Variants in PDE4D observed in about 807,000 individuals in gnomAD.
The protein encoded by PDE4D is 3',5'-cyclic-AMP phosphodiesterase 4D.
PDE4D carries 24 observed loss-of-function variants against 87.4 expected under a neutral mutation model. That is an observed-to-expected ratio of 0.27 (90% CI 0.20 to 0.39). The LOEUF is 0.39. PDE4D is among the 10% of genes least tolerant of loss of function. The pLI is 1.00. For missense variants in PDE4D, 714 were observed against 1,041.0 expected (o/e 0.69, Z 4.32); for synonymous variants, 384 against 383.2 (o/e 1.00, Z -0.02).
At chr5:59,207,226 A>G (rs957148854) in intron 2 of PDE4D, among the ~76,000 whole-genome samples, 1 of 152,076 alleles carries the variant, frequency 6.6e-6, no homozygotes, top group Non-Finnish European at 1.5e-5. Context: ...AAATATTTCT[A>G]TTTTACAATA....
intron 2 of PDE4D, among the ~76,000 whole-genome samples, chr5:60,125,136 A>G (rs1668944045): frequency 6.6e-6 from 1 of 152,152 alleles, no homozygotes. Context: ...AACCAACCTG[A>G]ACTCAAGACT....
chr5:59,119,989 C>CA (rs1424465205), intron 5 of PDE4D, among the ~76,000 whole-genome samples: 1 of 152,012 alleles, frequency 6.6e-6, no homozygotes, highest in East Asian at 1.9e-4. Flanking sequence ...GGACTGCAGA[C>CA]ATGCACTACT....
chr5:59,180,049 G>A (rs1421799788), intron 5 of PDE4D, among the ~76,000 whole-genome samples: 2 of 152,046 alleles, frequency 1.3e-5, no homozygotes, highest in Non-Finnish European at 2.9e-5. Flanking sequence ...AGATCCCAAC[G>A]TTTTGATCTC....
intron 1 of PDE4D, among the ~76,000 whole-genome samples, chr5:59,830,928 C>T (rs1053968740): frequency 2.2e-4 from 34 of 151,804 alleles, no homozygotes; most frequent in Admixed American, 2.0e-4. Flanking sequence ...AGAAACTATC[C>T]CTGTAGCACA....
chr5:59,832,058 G>A (rs922071589), intron 1 of PDE4D, among the ~76,000 whole-genome samples: 9 of 152,054 alleles, frequency 5.9e-5, no homozygotes, highest in African/African-American at 2.2e-4. Context: ...AAAGAGTGAT[G>A]GTAGCCTACC....
At chr5:60,469,116 C>T (rs1747620754) in intron 1 of PDE4D, among the ~76,000 whole-genome samples, 1 of 152,124 alleles carries the variant, frequency 6.6e-6, no homozygotes, top group Admixed American at 6.5e-5. Context: ...TTCCTGAGCC[C>T]CATAAATAAG....
chr5:60,052,304 A>G (rs1485427723), intron 2 of PDE4D, among the ~76,000 whole-genome samples: 2 of 152,214 alleles, frequency 1.3e-5, no homozygotes, highest in Admixed American at 1.3e-4. Context: ...ATACTGGCAA[A>G]CAGAATCCAG....
chr5:60,113,348 G>T (rs1021808281), intron 2 of PDE4D, among the ~76,000 whole-genome samples: 1 of 152,120 alleles, frequency 6.6e-6, no homozygotes, highest in Non-Finnish European at 1.5e-5. Flanking sequence ...TGAGAAGGAT[G>T]CAACAAAGAT....
chr5:59,309,520 G>T (rs565569952), intron 1 of PDE4D, among the ~76,000 whole-genome samples: 209 of 152,248 alleles, frequency 1.4e-3, no homozygotes, highest in South Asian at 8.1e-3. Flanking sequence ...CTTGCAAACA[G>T]ACCTTCAGCT....
chr5:60,256,322 C>T (rs970045960), intron 1 of PDE4D, among the ~76,000 whole-genome samples: 5 of 151,884 alleles, frequency 3.3e-5, no homozygotes, highest in African/African-American at 9.7e-5. Flanking sequence ...ATGGCCTCAT[C>T]AGAGGTTTTA....
rs1207231052 is a variant in PDE4D, at chr5:59,876,487, T to C, written c.455+16681A>G. Among the ~76,000 whole-genome samples, 11 of 152,316 alleles carry C rather than the reference T, an allele frequency of 7.2e-5. No homozygotes were observed. The South Asian group carries it at 1.9e-3, about 26-fold the overall frequency. ...TCTTTATTCTTTATCCACCTGCCTT[T>C]TTCTAATTGATTGCTAAGAATGGAC... is the stretch of plus-strand genomic sequence containing the variant. On this transcript the variant is annotated intron_variant, in intron 1 of 14. Transcript: ENST00000340635.
At chr5:59,574,196 T>G (rs1822728609) in intron 1 of PDE4D, among the ~76,000 whole-genome samples, 1 of 130,582 alleles carries the variant, frequency 7.7e-6, no homozygotes. Flanking sequence ...AAAGACATTT[T>G]TCTTCCTTCC....
At chr5:59,719,618 A>C (rs1580662345) in intron 1 of PDE4D, among the ~76,000 whole-genome samples, 1 of 152,172 alleles carries the variant, frequency 6.6e-6, no homozygotes, top group African/African-American at 2.4e-5. Context: ...CCTTAAGCAA[A>C]CCTTCCACAA....
At chr5:59,555,006 T>C (rs1382377706) in intron 1 of PDE4D, among the ~76,000 whole-genome samples, 1 of 152,150 alleles carries the variant, frequency 6.6e-6, no homozygotes, top group Non-Finnish European at 1.5e-5. Flanking sequence ...CCTGGGTATA[T>C]ACCCAAAGGA....
At chr5:59,173,895 C>A (rs1295371235) in intron 5 of PDE4D, among the ~76,000 whole-genome samples, 2 of 152,088 alleles carry the variant, frequency 1.3e-5, no homozygotes, top group Non-Finnish European at 2.9e-5. Context: ...TTATATGGTT[C>A]TTGCTCCCAT....
At chr5:59,758,706 G>C (rs1292976663) in intron 1 of PDE4D, among the ~76,000 whole-genome samples, 2 of 152,050 alleles carry the variant, frequency 1.3e-5, no homozygotes, top group Non-Finnish European at 2.9e-5. Context: ...TCATTCTGAA[G>C]GCCCTGAATC....
chr5:59,461,761 C>A (rs1202080860), intron 1 of PDE4D, among the ~76,000 whole-genome samples: 1 of 152,026 alleles, frequency 6.6e-6, no homozygotes. Flanking sequence ...TCTTTAGACC[C>A]CCAATTTATT....
rs368790789 is a variant in PDE4D, at chr5:60,426,610, A to T, written c.-90+61332T>A. Among the ~76,000 whole-genome samples the T allele has an allele frequency of 1.4e-3, 217 of 152,248 alleles. 1 individual carries two copies. Among genetic ancestry groups the T allele is most frequent in the African/African-American group, 5.1e-3 (212 of 41,528 alleles). Reference sequence around the variant, plus strand: ...ATGAGTTGATGGGTGAAGCAAACCAACATGGCACATGTATACATATGTAAC... The same window carrying T: ...ATGAGTTGATGGGTGAAGCAAACCATCATGGCACATGTATACATATGTAAC... On this transcript the variant is annotated intron_variant, in intron 1 of 16. Transcript: ENST00000502484.
chr5:59,893,692 GCTGCTGCTGCTGCTGC>G lies in PDE4D; in HGVS notation c.-86_-71del. 7.3e-7 allele frequency: 1 copy of G among 1,367,468 alleles called. No individual in the cohort carries two copies. The highest frequency in any genetic ancestry group is 1.7e-5 in the South Asian group (1 of 57,442). The allele number at this position is 1,367,468 out of a possible 1,614,324, so 84.7% of individuals were successfully genotyped here. A position where few individuals can be genotyped will look rare whatever the true frequency, so the allele number is the denominator to read the frequency against. On this transcript the variant is annotated 5_prime_UTR_variant, in exon 1 of 15. Coordinates refer to ENST00000340635, the MANE Select transcript of PDE4D (RefSeq NM_001104631.2). ...GCGCTGGCCCGAGCGCCTTCCTGAT[GCTGCTGCTGCTGCTGC>G]CGCCGCCGCCGCTTCTGCAGCCCAG...
Sources: gnomAD v4.1 joint callset for allele counts (sites outside exome capture counted in the v4.1 genomes callset) on GRCh38, gnomAD v4.1.1 for gene constraint, MANE v1.5 for transcripts, NCBI Gene and HGNC (gene_info 2026-07-23, HGNC 2026-07-21) for gene names.